UGT1A9: variants seen among roughly 807,000 people sequenced by gnomAD.
UGT1A9 encodes UDP-glucuronosyltransferase 1A9.
Under a neutral mutation model 45.0 loss-of-function variants are expected in UGT1A9, and 35 were observed. That is an observed-to-expected ratio of 0.78 (90% CI 0.59 to 1.03). The LOEUF (loss-of-function observed/expected upper bound fraction) is 1.03. UGT1A9 is among the 50% of genes least tolerant of loss of function. The probability of loss-of-function intolerance (pLI) is 0.00; values close to 1 mark genes in which losing one functional copy is unlikely to be tolerated. For missense variants in UGT1A9, 687 were observed against 666.6 expected, an observed-to-expected ratio of 1.03 and a Z score of -0.34; for synonymous variants, 278 against 250.6, an observed-to-expected ratio of 1.11 and a Z score of -1.03.
At chr2:233,761,243 G>A (rs1268898166) in intron 1 of UGT1A9, 4 of 1,611,300 alleles carry the variant, frequency 2.5e-6, no homozygotes, top group Non-Finnish European at 3.4e-6. Flanking sequence ...TGCTGAGCAA[G>A]CATTCTGAGA....
In UGT1A9 at chr2:233,769,857, CAAAAA is replaced by C; in HGVS notation, c.1295+1431_1295+1435del. On this transcript the variant is annotated intron_variant, in intron 4 of 4. Coordinates refer to ENST00000354728, the MANE Select transcript of UGT1A9 (RefSeq NM_021027.3). This position sits in a 1 kb window ranked among gnomAD's most constrained non-coding sequence, Gnocchi z 4.4. ...TGGGCAACAGAGTGAGACCCTGTCT[CAAAAA>C]AAAAAAAAAAAATGAAAAGTCCACA... The C allele has an allele frequency of 3.2e-4, 71 of 223,570 alleles. No homozygotes were observed. Among genetic ancestry groups the C allele is most frequent in the South Asian group, 7.7e-4 (7 of 9,102 alleles). The allele number at this position is 223,570 out of a possible 1,614,324, so 13.8% of individuals were successfully genotyped here.
intron 1 of UGT1A9, among the ~76,000 whole-genome samples, chr2:233,707,931 A>G (rs1386071034): frequency 6.6e-6 from 1 of 152,216 alleles, no homozygotes; most frequent in Non-Finnish European, 1.5e-5. Context: ...AAATATACTT[A>G]TCAGTCATTT....
chr2:233,767,957 G>A (rs1699529946), intron 3 of UGT1A9, 21 bp downstream of exon 3: 6 of 1,614,186 alleles, frequency 3.7e-6, no homozygotes, highest in South Asian at 1.1e-5. Flanking sequence ...CGGATTGGAT[G>A]TATAGGTCAA....
In UGT1A9 at chr2:233,713,164, T is replaced by C. The variant is rs577803036; in HGVS notation, c.855+40375T>C. 359 of 1,614,206 alleles carry C rather than the reference T, an allele frequency of 2.2e-4. 2 individuals carry two copies. In the South Asian group the frequency reaches 3.5e-3, roughly 16 times the overall value. On this transcript the variant is annotated intron_variant, in intron 1 of 4. Coordinates refer to ENST00000354728, the MANE Select transcript of UGT1A9 (RefSeq NM_021027.3). ...GACCTCCATGCGAGAGGCCACCAGG[T>C]GGTGGTCCTCACCCTGGAGGTGAAT...
rs1051929356 is a variant in UGT1A9, at chr2:233,682,576, C to T, written c.855+9787C>T. On this transcript the variant is annotated intron_variant, in intron 1 of 4. Transcript: ENST00000354728. ...AGAGAGTATGGAACCACATCATGCA[C>T]TTGGAGGAACATTTATTTTGCCCCT... The T allele has an allele frequency of 3.7e-6, 6 of 1,613,824 alleles. No homozygotes were observed. The African/African-American group carries it at 8.0e-5, about 22-fold the overall frequency.
intron 1 of UGT1A9, among the ~76,000 whole-genome samples, chr2:233,723,485 C>T (rs1440539841): frequency 7.3e-6 from 1 of 137,690 alleles, no homozygotes; most frequent in Non-Finnish European, 1.5e-5. Flanking sequence ...GCTAGGATTC[C>T]AGGTGTGAGC....
At chr2:233,681,272 G>A (rs1186319334) in intron 1 of UGT1A9, among the ~76,000 whole-genome samples, 5 of 152,136 alleles carry the variant, frequency 3.3e-5, no homozygotes, top group South Asian at 2.1e-4. Flanking sequence ...AGTGGCTCAC[G>A]CCTGTAATCC....
intron 1 of UGT1A9, among the ~76,000 whole-genome samples, chr2:233,720,298 G>A (rs2076845551): frequency 6.6e-6 from 1 of 152,140 alleles, no homozygotes; most frequent in Admixed American, 6.5e-5. Context: ...CAGGAGTTGG[G>A]GGTCTGGTGT....
intron 1 of UGT1A9, among the ~76,000 whole-genome samples, chr2:233,716,781 G>A (rs2076525063): frequency 6.6e-6 from 1 of 152,150 alleles, no homozygotes; most frequent in Admixed American, 6.5e-5. Context: ...TCAGGCTTTC[G>A]GGATGCCTTT....
At chr2:233,678,521 T>G (rs1191707329) in intron 1 of UGT1A9, among the ~76,000 whole-genome samples, 5 of 152,108 alleles carry the variant, frequency 3.3e-5, no homozygotes, top group Admixed American at 1.3e-4. Context: ...TTACTGTCTG[T>G]TTTTTTCTCT....
intron 1 of UGT1A9, among the ~76,000 whole-genome samples, chr2:233,727,070 C>G (rs1272254879): frequency 6.6e-6 from 1 of 152,126 alleles, no homozygotes; most frequent in Non-Finnish European, 1.5e-5. Context: ...TTTCTGTGTT[C>G]TCTTACAAAC....
chr2:233,766,941 CTT>C (rs1181613767), intron 1 of UGT1A9, 91 bp from the exon 2 acceptor site: 3 of 1,595,132 alleles, frequency 1.9e-6, no homozygotes, highest in African/African-American at 2.7e-5. Flanking sequence ...TAATCATAGT[CTT>C]AAGAGGAAGA....
intron 1 of UGT1A9, chr2:233,682,168 C>T (rs1575428298): frequency 6.2e-7 from 1 of 1,614,202 alleles, no homozygotes; most frequent in Non-Finnish European, 8.5e-7. Context: ...TGAAGACTTA[C>T]TCAACCTCAT....
chr2:233,765,623 G>A (rs1698893578), intron 1 of UGT1A9, among the ~76,000 whole-genome samples: 1 of 151,662 alleles, frequency 6.6e-6, no homozygotes, highest in Admixed American at 6.6e-5. Flanking sequence ...AGGGGTGAGG[G>A]GAGGAACTTA....
chr2:233,758,018 G>A (rs1394383071), intron 1 of UGT1A9, among the ~76,000 whole-genome samples: 1 of 152,092 alleles, frequency 6.6e-6, no homozygotes, highest in African/African-American at 2.4e-5. Context: ...GTTTGTCTCT[G>A]TCTACCTGAC....
intron 1 of UGT1A9, among the ~76,000 whole-genome samples, chr2:233,748,621 T>C (rs1261589705): frequency 1.3e-5 from 2 of 151,698 alleles, no homozygotes; most frequent in African/African-American, 4.9e-5. Context: ...ACGTGGGATA[T>C]ATGTCTGTGA....
At chr2:233,765,693 AAATAATAATAATAATAATT>A (rs1698909746) in intron 1 of UGT1A9, among the ~76,000 whole-genome samples, 1 of 147,312 alleles carries the variant, frequency 6.8e-6, no homozygotes, top group East Asian at 2.0e-4. Flanking sequence ...AACTTCAAGT[AAATAATAATAATAATAATT>A]AATAATAATA....
At chr2:233,755,311 C>T (rs1380738778) in intron 1 of UGT1A9, 2 of 555,594 alleles carry the variant, frequency 3.6e-6, no homozygotes, top group South Asian at 1.8e-5. Flanking sequence ...GCACAGCGAG[C>T]GGCAAGGCTG....
intron 1 of UGT1A9, among the ~76,000 whole-genome samples, chr2:233,703,391 T>A (rs552100359): frequency 2.6e-5 from 4 of 152,158 alleles, no homozygotes; most frequent in Admixed American, 2.6e-4. Flanking sequence ...TATTTTCAAA[T>A]AAACAATTTT....
Sources: allele counts gnomAD v4.1 joint callset (sites outside exome capture counted in the v4.1 genomes callset), GRCh38; gene constraint gnomAD v4.1.1; non-coding constraint Gnocchi (gnomAD v3.1); transcripts MANE v1.5; gene names NCBI Gene and HGNC (gene_info 2026-07-23, HGNC 2026-07-21).